FSTL5: variants seen among roughly 807,000 people sequenced by gnomAD.
FSTL5 encodes the protein follistatin-related protein 5.
FSTL5 carries 62 observed loss-of-function variants against 89.1 expected under a neutral mutation model. That is an observed-to-expected ratio of 0.70 (90% CI 0.57 to 0.86). The LOEUF (loss-of-function observed/expected upper bound fraction) is 0.86, where lower values mean the gene tolerates loss of function less well. Ranked by LOEUF, FSTL5 falls within the 40% of genes least tolerant of loss-of-function variation. The pLI, the probability that FSTL5 is intolerant of heterozygous loss-of-function variation, is 0.00. For missense variants in FSTL5, 1,057 were observed against 1,001.6 expected, an observed-to-expected ratio of 1.06 and a Z score of -0.75; for synonymous variants, 383 against 346.2, an observed-to-expected ratio of 1.11 and a Z score of -1.18.
rs188593663 is a variant in FSTL5 at position 162,050,416 on chromosome 4, T to A, written c.127-16758A>T. Among the ~76,000 whole-genome samples, 860 of 151,100 alleles carry A rather than the reference T, an allele frequency of 5.7e-3. 7 individuals carry two copies. The highest frequency in any genetic ancestry group is 0.02 in the African/African-American group (831 of 41,438). ...ATGTCATTTTATAATATAAATATTC[T>A]TAGGAATAAAAGGAACAAAAATAGC... On this transcript the variant is annotated intron_variant, in intron 2 of 15. Coordinates refer to ENST00000306100, the MANE Select transcript of FSTL5 (RefSeq NM_020116.5).
At chr4:161,499,398 T>C (rs1411116782) in intron 12 of FSTL5, among the ~76,000 whole-genome samples, 1 of 152,142 alleles carries the variant, frequency 6.6e-6, no homozygotes, top group Non-Finnish European at 1.5e-5. Context: ...CTGGTCATTA[T>C]CTCCTCTCAT....
intron 10 of FSTL5, among the ~76,000 whole-genome samples, chr4:161,512,527 G>C (rs1417465251): frequency 2.0e-5 from 3 of 151,954 alleles, no homozygotes; most frequent in Non-Finnish European, 4.4e-5. Context: ...AAATGAGTAA[G>C]AATAAATGAA....
At chr4:161,611,911 G>A (rs1030701311) in intron 7 of FSTL5, among the ~76,000 whole-genome samples, 18 of 152,250 alleles carry the variant, frequency 1.2e-4, no homozygotes, top group African/African-American at 3.6e-4. Flanking sequence ...TTAAAACTGC[G>A]GATGTCATGA....
chr4:162,097,771 C>T (rs1579025118), intron 2 of FSTL5, among the ~76,000 whole-genome samples: 1 of 151,830 alleles, frequency 6.6e-6, no homozygotes, highest in African/African-American at 2.4e-5. Context: ...ATGGATAATA[C>T]TACACACTCT....
chr4:162,064,908 G>T (rs1253636803), intron 2 of FSTL5, among the ~76,000 whole-genome samples: 1 of 151,884 alleles, frequency 6.6e-6, no homozygotes, highest in Non-Finnish European at 1.5e-5. Context: ...AAACAGAGCT[G>T]TAGGCTAAAT....
chr4:161,967,304 T>C (rs1342465516), intron 3 of FSTL5, among the ~76,000 whole-genome samples: 1 of 151,896 alleles, frequency 6.6e-6, no homozygotes, highest in East Asian at 1.9e-4. Flanking sequence ...TCTGGAAGGT[T>C]TATTGAGCAA....
At chr4:161,977,955 A>T (rs1735712138) in intron 3 of FSTL5, among the ~76,000 whole-genome samples, 1 of 152,180 alleles carries the variant, frequency 6.6e-6, no homozygotes, top group Admixed American at 6.5e-5. Context: ...TCTGCAATTT[A>T]TCTTAACACT....
At chr4:162,085,366 T>A (rs1295216417) in intron 2 of FSTL5, among the ~76,000 whole-genome samples, 1 of 151,992 alleles carries the variant, frequency 6.6e-6, no homozygotes, top group Non-Finnish European at 1.5e-5. Context: ...ATTCTTTAAA[T>A]CACTAAAAAA....
At chr4:162,126,352 T>C (rs1295457072) in intron 1 of FSTL5, among the ~76,000 whole-genome samples, 1 of 152,120 alleles carries the variant, frequency 6.6e-6, no homozygotes, top group East Asian at 1.9e-4. Flanking sequence ...ATGTGAATAA[T>C]TCTAGAACTT....
intron 4 of FSTL5, among the ~76,000 whole-genome samples, chr4:161,903,247 G>T (rs1241659871): frequency 6.6e-6 from 1 of 151,694 alleles, no homozygotes; most frequent in East Asian, 1.9e-4. Context: ...CATTTTAAAA[G>T]ACACTATCGA....
chr4:161,757,148 T>A, intron 6 of FSTL5, among the ~76,000 whole-genome samples: 1 of 152,172 alleles, frequency 6.6e-6, no homozygotes, highest in East Asian at 1.9e-4. Context: ...TTTATTTATG[T>A]TATTCTTTCT....
chr4:161,753,898 C>A (rs112643783), intron 6 of FSTL5, among the ~76,000 whole-genome samples: 1 of 151,628 alleles, frequency 6.6e-6, no homozygotes, highest in East Asian at 2.0e-4. Flanking sequence ...AAAAATTAGC[C>A]GGGCGTGGTG....
intron 6 of FSTL5, among the ~76,000 whole-genome samples, chr4:161,709,809 A>T (rs950645897): frequency 1.1e-4 from 16 of 151,634 alleles, no homozygotes; most frequent in East Asian, 3.9e-4. Context: ...TAAATTAAAT[A>T]AAAAAAAGGT....
At position 161,503,318 on chromosome 4, in the gene FSTL5, T is replaced by C. The variant is rs142447976; in HGVS notation, c.1340-3184A>G. On this transcript the variant is annotated intron_variant, in intron 11 of 15. Coordinates refer to ENST00000306100, the MANE Select transcript of FSTL5 (RefSeq NM_020116.5). Reference sequence around the variant, plus strand: ...GAAAAAAGCAAATGGTGACATGATATATAACCAGACTTTGATAACTATTCT... The same window carrying C: ...GAAAAAAGCAAATGGTGACATGATACATAACCAGACTTTGATAACTATTCT... Among the ~76,000 whole-genome samples, 32 of 151,988 alleles carry C rather than the reference T, an allele frequency of 2.1e-4. No individual in the cohort carries two copies. The East Asian group carries it at 5.8e-3, about 27-fold the overall frequency.
rs180795678 is a variant in FSTL5, at chr4:161,505,251, T to C, written c.1340-5117A>G. 4.9e-4 allele frequency among the ~76,000 whole-genome samples: 75 copies of C among 152,312 alleles called. No homozygotes were observed. In the East Asian group the frequency reaches 0.012, roughly 25 times the overall value. On this transcript the variant is annotated intron_variant, in intron 11 of 15. Transcript: ENST00000306100. ...TCAGCACGGATAGATCTTTGGTTCA[T>C]GAATGTTCTCATTCACTATATCCTG...
rs1402638366 is a variant in FSTL5, at chr4:161,874,848, C to T, written c.409+45556G>A. 2.0e-5 allele frequency among the ~76,000 whole-genome samples: 3 copies of T among 152,110 alleles called. No individual in the cohort carries two copies. In the East Asian group the frequency reaches 5.8e-4, roughly 30 times the overall value. On this transcript the variant is annotated intron_variant, in intron 4 of 15. Transcript: ENST00000306100. ...ATAATTGGTGAAGCTAACTAATGAA[C>T]ATATTCGTTATTCAAGCCAGAAAGT... is the stretch of plus-strand genomic sequence containing the variant.
At chr4:161,566,123 TATATATATATATACACAC>T (rs1560956585) in intron 8 of FSTL5, among the ~76,000 whole-genome samples, 1 of 96,230 alleles carries the variant, frequency 1.0e-5, no homozygotes, top group Non-Finnish European at 2.1e-5. Context: ...TATATATATA[TATATATATATATACACAC>T]ACACACACAC....
At chr4:161,597,580 T>G (rs1578955094) in intron 7 of FSTL5, among the ~76,000 whole-genome samples, 1 of 151,778 alleles carries the variant, frequency 6.6e-6, no homozygotes, top group Non-Finnish European at 1.5e-5. Context: ...TATACATATG[T>G]GACAAACCTG....
At position 161,386,014 on chromosome 4, in the gene FSTL5, A is replaced by T; in HGVS notation, c.2277T>A (p.Ser759Arg). ...TEAHQYNIYG[S>R]SSTQTDVLFV... is the part of the protein sequence containing the mutation. ...AGAGCACATCAGTTTGTGTGCTTGA[A>T]CTACCGTAGATGTTATATTGGTGGG... is the stretch of plus-strand genomic sequence containing the variant. The change falls in exon 16 of 16, where the codon AGT becomes AGA. Residue 759 changes from serine (S) to arginine (R), a missense_variant. Coordinates refer to ENST00000306100, the MANE Select transcript of FSTL5 (RefSeq NM_020116.5). 1.2e-6 allele frequency: 2 copies of T among 1,614,050 alleles called. No individual in the cohort carries two copies. The highest frequency in any genetic ancestry group is 1.7e-6 in the Non-Finnish European group (2 of 1,179,974).
Sources: allele counts gnomAD v4.1 joint callset (sites outside exome capture counted in the v4.1 genomes callset), GRCh38; gene constraint gnomAD v4.1.1; transcripts MANE v1.5; gene names NCBI Gene and HGNC (gene_info 2026-07-23, HGNC 2026-07-21).